The following ZSWIM6 variants were observed in gnomAD, a reference collection of about 807,000 sequenced individuals.
The protein encoded by ZSWIM6 is zinc finger SWIM-type containing 6.
In ZSWIM6, 9 loss-of-function variants were observed where a neutral mutation model predicts 113.2. That is an observed-to-expected ratio of 0.08 (90% CI 0.05 to 0.14). ZSWIM6 has a LOEUF of 0.14. Ranked by LOEUF, ZSWIM6 falls within the 10% of genes least tolerant of loss-of-function variation. The pLI is 1.00. For synonymous variants in ZSWIM6, 611 were observed against 606.5 expected (o/e 1.01, Z -0.11); for missense variants, 1,162 against 1,552.2 (o/e 0.75, Z 4.22).
intron 1 of ZSWIM6, among the ~76,000 whole-genome samples, chr5:61,354,812 T>G (rs1420737114): frequency 1.3e-5 from 2 of 152,208 alleles, no homozygotes; most frequent in Non-Finnish European, 2.9e-5. Flanking sequence ...ATTTTATGAC[T>G]TATAGTCTGC....
intron 1 of ZSWIM6, among the ~76,000 whole-genome samples, chr5:61,421,793 C>A (rs1230780471): frequency 1.3e-5 from 2 of 152,186 alleles, no homozygotes; most frequent in Non-Finnish European, 2.9e-5. Context: ...ATCCATGTTC[C>A]TGTAAAAGAC....
chr5:61,375,777 A>C, intron 1 of ZSWIM6: 2 of 1,511,860 alleles, frequency 1.3e-6, no homozygotes, highest in Non-Finnish European at 1.8e-6. Context: ...CAGAAAAAAC[A>C]AAAAAGAAAA....
At chr5:61,522,080 G>GTTTTTTTTTTTTTTTTTTT (rs369447967) in intron 5 of ZSWIM6, among the ~76,000 whole-genome samples, 1 of 141,608 alleles carries the variant, frequency 7.1e-6, no homozygotes. Context: ...TTTCTGTCCT[G>GTTTTTTTTTTTTTTTTTTT]TTTTTTTTGT....
At chr5:61,375,760 A>G (rs1745361731) in intron 1 of ZSWIM6, 1 of 1,530,206 alleles carries the variant, frequency 6.5e-7, no homozygotes, top group Non-Finnish European at 8.9e-7. Flanking sequence ...AGAACGAGAA[A>G]AAGCAACAGA....
intron 1 of ZSWIM6, among the ~76,000 whole-genome samples, chr5:61,378,843 A>G (rs1352510908): frequency 6.6e-6 from 1 of 152,082 alleles, no homozygotes; most frequent in Admixed American, 6.6e-5. Context: ...GGCGTGAGCC[A>G]CCACACCTGG....
At chr5:61,378,889 A>G (rs896289622) in intron 1 of ZSWIM6, among the ~76,000 whole-genome samples, 1 of 152,126 alleles carries the variant, frequency 6.6e-6, no homozygotes, top group African/African-American at 2.4e-5. Context: ...TAAAAATTAC[A>G]TGAAATTGGG....
chr5:61,538,346 T>A (rs1275272076), intron 10 of ZSWIM6, among the ~76,000 whole-genome samples: 1 of 152,240 alleles, frequency 6.6e-6, no homozygotes, highest in Non-Finnish European at 1.5e-5. Context: ...TTAAATAGGT[T>A]AAGCTTATTC....
chr5:61,418,691 CAG>C (rs1362298561), intron 1 of ZSWIM6, among the ~76,000 whole-genome samples: 2 of 152,154 alleles, frequency 1.3e-5, no homozygotes, highest in Non-Finnish European at 2.9e-5. Context: ...ACTTTAAGGA[CAG>C]AGACAAGGGA....
chr5:61,348,450 T>C (rs1225790505), intron 1 of ZSWIM6, among the ~76,000 whole-genome samples: 1 of 152,156 alleles, frequency 6.6e-6, no homozygotes, highest in East Asian at 1.9e-4. Flanking sequence ...ATAAAAACTT[T>C]TCACATCTAG....
intron 1 of ZSWIM6, among the ~76,000 whole-genome samples, chr5:61,364,432 T>C (rs1745109775): frequency 6.6e-6 from 1 of 152,168 alleles, no homozygotes; most frequent in Admixed American, 6.5e-5. Flanking sequence ...TTTTATTTTT[T>C]AGTGGTTGGA....
In ZSWIM6 at chr5:61,355,440, ACACACACACACACACACAC is replaced by A. The variant is rs1744881379; in HGVS notation, c.676+22493_676+22511del. Among the ~76,000 whole-genome samples, 30 of 40,526 alleles carry A rather than the reference ACACACACACACACACACAC, an allele frequency of 7.4e-4. 1 individual carries two copies. Among genetic ancestry groups the A allele is most frequent in the Admixed American group, 1.1e-3 (4 of 3,770 alleles). 26.6% of individuals were successfully genotyped at this position (40,526 alleles called of 152,430 possible). On this transcript the variant is annotated intron_variant, in intron 1 of 13. Coordinates refer to ENST00000252744, the MANE Select transcript of ZSWIM6 (RefSeq NM_020928.2). ...TCTTGAGAGACTTTAAAACACACAC[ACACACACACACACACACAC>A]ACACACACACACACACACACACACA...
At chr5:61,493,200 G>T (rs1449552781) in intron 3 of ZSWIM6, among the ~76,000 whole-genome samples, 1 of 152,016 alleles carries the variant, frequency 6.6e-6, no homozygotes, top group Non-Finnish European at 1.5e-5. Flanking sequence ...CCCATATAGA[G>T]CAGGAGAGTT....
chr5:61,446,184 C>A lies in ZSWIM6; in HGVS notation c.677-26497C>A, dbSNP rs563011383. ...TGGGACTACAGACGCTCCACCACTCCCAGCTAATTTTTGTATTTTTAGTAG... is the reference window on the plus strand; with the variant it reads ...TGGGACTACAGACGCTCCACCACTCACAGCTAATTTTTGTATTTTTAGTAG... On this transcript the variant is annotated intron_variant, in intron 1 of 13. Transcript: ENST00000252744. Among the ~76,000 whole-genome samples, 2 of 152,264 alleles carry A rather than the reference C, an allele frequency of 1.3e-5. 1 individual carries two copies. The highest frequency in any genetic ancestry group is 4.2e-4 in the South Asian group (2 of 4,814).
At chr5:61,444,969 A>G (rs1746920540) in intron 1 of ZSWIM6, among the ~76,000 whole-genome samples, 1 of 152,228 alleles carries the variant, frequency 6.6e-6, no homozygotes. Context: ...TTAACAGCAT[A>G]TGGATTAGTT....
chr5:61,541,443 GATT>G (rs777406815), intron 12 of ZSWIM6, among the ~76,000 whole-genome samples: 3 of 152,104 alleles, frequency 2.0e-5, no homozygotes, highest in Non-Finnish European at 4.4e-5. Context: ...TAACTAAAAT[GATT>G]ATTTTAAAAT....
chr5:61,434,336 T>A (rs1370711527), intron 1 of ZSWIM6, among the ~76,000 whole-genome samples: 1 of 151,830 alleles, frequency 6.6e-6, no homozygotes, highest in African/African-American at 2.4e-5. Context: ...AACAGGTGGT[T>A]TTTGGTTACA....
intron 5 of ZSWIM6, among the ~76,000 whole-genome samples, chr5:61,523,578 A>G (rs890640248): frequency 3.3e-5 from 5 of 152,182 alleles, no homozygotes; most frequent in African/African-American, 1.2e-4. Flanking sequence ...ATGTGTATTT[A>G]TCATTTAAAA....
chr5:61,426,522 C>T (rs930408203), intron 1 of ZSWIM6, among the ~76,000 whole-genome samples: 3 of 152,168 alleles, frequency 2.0e-5, no homozygotes, highest in Admixed American at 1.3e-4. Context: ...CTGTCACCTT[C>T]AATAAATTTA....
In ZSWIM6 at chr5:61,544,379, C is replaced by T; in HGVS notation, c.*62C>T. The T allele has an allele frequency of 9.6e-7, 1 of 1,039,866 alleles. No individual in the cohort carries two copies. Among genetic ancestry groups the T allele is most frequent in the Non-Finnish European group, 1.4e-6 (1 of 710,520 alleles). 64.4% of individuals were successfully genotyped at this position (1,039,866 alleles called of 1,614,324 possible). A position where few individuals can be genotyped will look rare whatever the true frequency, so the allele number is the denominator to read the frequency against. ...GAGGGATGGTTTGTTTTTACTTGAG[C>T]CTGCCTTTGTACCCTTTTTAACTTA... is the stretch of plus-strand genomic sequence containing the variant. On this transcript the variant is annotated 3_prime_UTR_variant, in exon 14 of 14. Coordinates refer to ENST00000252744, the MANE Select transcript of ZSWIM6 (RefSeq NM_020928.2).
Sources: allele counts gnomAD v4.1 joint callset (sites outside exome capture counted in the v4.1 genomes callset), GRCh38; gene constraint gnomAD v4.1.1; transcripts MANE v1.5; gene names NCBI Gene and HGNC (gene_info 2026-07-23, HGNC 2026-07-21).